SGMS1: variants seen among roughly 807,000 people sequenced by gnomAD.
SGMS1 encodes the protein phosphatidylcholine:ceramide cholinephosphotransferase 1.
Under a neutral mutation model 46.2 loss-of-function variants are expected in SGMS1, and 13 were observed. That is an observed-to-expected ratio of 0.28 (90% confidence interval 0.18 to 0.45). The LOEUF is 0.45. SGMS1 is among the 20% of genes least tolerant of loss of function. The pLI is 1.00. For missense variants in SGMS1, 324 were observed against 519.9 expected (o/e 0.62, Z 3.66); for synonymous variants, 203 against 187.8 (o/e 1.08, Z -0.66).
chr10:50,539,443 T>G (rs1013522201), intron 2 of SGMS1, among the ~76,000 whole-genome samples: 1 of 152,258 alleles, frequency 6.6e-6, no homozygotes, highest in Non-Finnish European at 1.5e-5. Context: ...CAGGTGAGAC[T>G]GAAAAGGTCG....
intron 3 of SGMS1, among the ~76,000 whole-genome samples, chr10:50,511,376 A>G (rs529480563): frequency 6.6e-6 from 1 of 152,260 alleles, no homozygotes; most frequent in South Asian, 2.1e-4. Context: ...CCTTGTAAGC[A>G]AGCCCCATCC....
At chr10:50,399,085 A>G (rs1848892678) in intron 6 of SGMS1, among the ~76,000 whole-genome samples, 2 of 152,148 alleles carry the variant, frequency 1.3e-5, no homozygotes, top group Non-Finnish European at 2.9e-5. Context: ...ATGTTCTAAA[A>G]CTGGTTTATG....
intron 6 of SGMS1, among the ~76,000 whole-genome samples, chr10:50,385,728 G>A (rs1848673119): frequency 6.6e-6 from 1 of 152,154 alleles, no homozygotes; most frequent in African/African-American, 2.4e-5. Context: ...GGAAGGCATG[G>A]GAGAACCTTG....
intron 1 of SGMS1, 159 bp downstream of exon 1, chr10:50,623,548 C>G: frequency 1.0e-6 from 1 of 981,500 alleles, no homozygotes; most frequent in Non-Finnish European, 1.2e-6. Flanking sequence ...GGACTGCCCG[C>G]CAGGTACGCG....
intron 2 of SGMS1, among the ~76,000 whole-genome samples, chr10:50,559,269 T>A (rs1358098195): frequency 6.6e-6 from 1 of 152,208 alleles, no homozygotes; most frequent in African/African-American, 2.4e-5. Context: ...TTAAGCAACA[T>A]CAGTATCCAA....
At chr10:50,534,473 C>G (rs1837982190) in intron 2 of SGMS1, among the ~76,000 whole-genome samples, 1 of 152,110 alleles carries the variant, frequency 6.6e-6, no homozygotes, top group South Asian at 2.1e-4. Flanking sequence ...GAATGCTTCC[C>G]TACACAGGGA....
At chr10:50,401,360 TA>T (rs1477884816) in intron 6 of SGMS1, among the ~76,000 whole-genome samples, 1 of 152,216 alleles carries the variant, frequency 6.6e-6, no homozygotes, top group African/African-American at 2.4e-5. Flanking sequence ...ACCTATTCTT[TA>T]AAAACTCTTT....
intron 7 of SGMS1, among the ~76,000 whole-genome samples, chr10:50,340,177 G>T (rs1847794331): frequency 6.6e-6 from 1 of 152,166 alleles, no homozygotes; most frequent in Admixed American, 6.5e-5. Flanking sequence ...TAATTTCTCT[G>T]GTGACTTGGA....
intron 5 of SGMS1, among the ~76,000 whole-genome samples, chr10:50,447,238 A>G (rs940650440): frequency 4.6e-5 from 7 of 152,346 alleles, no homozygotes; most frequent in Non-Finnish European, 1.0e-4. Flanking sequence ...TGTCTTATTC[A>G]TTCTAAAATA....
chr10:50,419,615 A>G (rs185643010), intron 6 of SGMS1, among the ~76,000 whole-genome samples: 17 of 152,340 alleles, frequency 1.1e-4, no homozygotes, highest in African/African-American at 4.1e-4. Flanking sequence ...TTATTTTGTA[A>G]TAAAAATACT....
At chr10:50,529,347 A>G (rs977872880) in intron 2 of SGMS1, among the ~76,000 whole-genome samples, 1 of 152,200 alleles carries the variant, frequency 6.6e-6, no homozygotes, top group African/African-American at 2.4e-5. Context: ...CTGAAACGGC[A>G]AAGTCCATAT....
intron 2 of SGMS1, among the ~76,000 whole-genome samples, chr10:50,565,643 A>G (rs1838281482): frequency 6.6e-6 from 1 of 152,182 alleles, no homozygotes; most frequent in Non-Finnish European, 1.5e-5. Flanking sequence ...AATTCCTAGG[A>G]ATGACATAGC....
rs1305269468 is a variant in SGMS1 at position 50,526,254 on chromosome 10, CCTT to C, written c.-588-6336_-588-6334del. Among the ~76,000 whole-genome samples, 4 of 152,224 alleles carry C rather than the reference CCTT, an allele frequency of 2.6e-5. No homozygotes were observed. The East Asian group carries it at 5.8e-4, about 22-fold the overall frequency. On this transcript the variant is annotated intron_variant, in intron 2 of 10. Transcript: ENST00000361781. ...GCAGAAGGCGAAAGGGAAGCAAGCA[CCTT>C]CTTCTAATGGCAGCAGGAGGGGGTG...
At chr10:50,601,551 C>G (rs1209283443) in intron 1 of SGMS1, among the ~76,000 whole-genome samples, 3 of 152,212 alleles carry the variant, frequency 2.0e-5, no homozygotes, top group African/African-American at 7.2e-5. Context: ...GACATGAGAA[C>G]TGAAGCTCAG....
intron 6 of SGMS1, among the ~76,000 whole-genome samples, chr10:50,354,586 C>T (rs1453175653): frequency 2.0e-5 from 3 of 152,122 alleles, no homozygotes; most frequent in Non-Finnish European, 4.4e-5. Flanking sequence ...CCAAAATTGA[C>T]AAATAGGATC....
intron 6 of SGMS1, among the ~76,000 whole-genome samples, chr10:50,371,027 C>CAA (rs1253532603): frequency 6.6e-6 from 1 of 152,094 alleles, no homozygotes; most frequent in Non-Finnish European, 1.5e-5. Flanking sequence ...TTAACAGAGC[C>CAA]AAATACTATC....
At chr10:50,388,438 A>T (rs1444135401) in intron 6 of SGMS1, among the ~76,000 whole-genome samples, 6 of 150,942 alleles carry the variant, frequency 4.0e-5, no homozygotes, top group Non-Finnish European at 8.8e-5. Flanking sequence ...GTTCAAGAGC[A>T]GCCTGGTCAA....
At chr10:50,447,598 C>G (rs560519297) in intron 5 of SGMS1, among the ~76,000 whole-genome samples, 2 of 151,786 alleles carry the variant, frequency 1.3e-5, no homozygotes, top group African/African-American at 4.8e-5. Flanking sequence ...AAAATATAAC[C>G]CATATTGTTT....
chr10:50,351,682 T>TAAG (rs1384721626), intron 6 of SGMS1, among the ~76,000 whole-genome samples: 1 of 152,206 alleles, frequency 6.6e-6, no homozygotes, highest in East Asian at 1.9e-4. Flanking sequence ...CGCCACCATG[T>TAAG]AAGAAGTGCC....
Sources: allele counts gnomAD v4.1 joint callset (sites outside exome capture counted in the v4.1 genomes callset), GRCh38; gene constraint gnomAD v4.1.1; transcripts MANE v1.5; gene names NCBI Gene and HGNC (gene_info 2026-07-23, HGNC 2026-07-21).